The following TMTC1 variants were observed in gnomAD, a reference collection of about 807,000 sequenced individuals.
TMTC1 encodes transmembrane O-mannosyltransferase targeting cadherins 1.
A neutral mutation model predicts 104.8 loss-of-function variants in TMTC1; 73 were observed. The ratio of observed to expected loss-of-function variants is 0.70; its 90% CI spans 0.58 to 0.85. The LOEUF is 0.85. Ranked by LOEUF, TMTC1 falls within the 40% of genes least tolerant of loss-of-function variation. The pLI, the probability that TMTC1 is intolerant of heterozygous loss-of-function variation, is 0.00. For missense variants in TMTC1, 1,035 were observed against 1,096.1 expected (o/e 0.94, Z 0.79); for synonymous variants, 434 against 428.7 (o/e 1.01, Z -0.15).
intron 5 of TMTC1, among the ~76,000 whole-genome samples, chr12:29,678,430 A>C (rs1225270035): frequency 6.6e-6 from 1 of 152,154 alleles, no homozygotes; most frequent in African/African-American, 2.4e-5. Context: ...AAATCTTCCC[A>C]TAACATTTAA....
chr12:29,588,169 C>A (rs908771234), intron 7 of TMTC1, among the ~76,000 whole-genome samples: 1 of 152,172 alleles, frequency 6.6e-6, no homozygotes, highest in Non-Finnish European at 1.5e-5. Flanking sequence ...CCATGTTCTC[C>A]AAACCCCCAC....
At chr12:29,517,132 T>C (rs1415794895) in intron 14 of TMTC1, among the ~76,000 whole-genome samples, 1 of 152,132 alleles carries the variant, frequency 6.6e-6, no homozygotes, top group African/African-American at 2.4e-5. Flanking sequence ...GCATACACAA[T>C]GGAGTGATAA....
intron 4 of TMTC1, among the ~76,000 whole-genome samples, chr12:29,754,111 G>A (rs1003396669): frequency 6.0e-5 from 9 of 151,058 alleles, no homozygotes; most frequent in Non-Finnish European, 7.4e-5. Context: ...ATGATCTGCC[G>A]GCCTTGGCCT....
chr12:29,586,264 G>T (rs1946131005), intron 7 of TMTC1, among the ~76,000 whole-genome samples: 1 of 152,094 alleles, frequency 6.6e-6, no homozygotes, highest in Non-Finnish European at 1.5e-5. Context: ...AAGAATGCTT[G>T]TGATTTTTGT....
At chr12:29,733,802 A>G (rs574477578) in intron 5 of TMTC1, among the ~76,000 whole-genome samples, 35 of 151,996 alleles carry the variant, frequency 2.3e-4, no homozygotes, top group Non-Finnish European at 4.1e-4. Flanking sequence ...ATTTTTCTGA[A>G]CTCAACACAT....
At chr12:29,747,448 T>A (rs1942981975) in intron 5 of TMTC1, among the ~76,000 whole-genome samples, 1 of 152,184 alleles carries the variant, frequency 6.6e-6, no homozygotes, top group East Asian at 1.9e-4. Context: ...ATAAATGACC[T>A]GCAGTAGGAT....
In TMTC1 at chr12:29,519,438, A is replaced by C. The variant is rs561975288; in HGVS notation, c.1889-831T>G. On this transcript the variant is annotated intron_variant, in intron 12 of 17. Transcript: ENST00000539277. ...AGCAGAATGAAGGCCCTCTACTCTGATAGGTTTCTTCAAAGTAGCTTCCTG... is the reference window on the plus strand; with the variant it reads ...AGCAGAATGAAGGCCCTCTACTCTGCTAGGTTTCTTCAAAGTAGCTTCCTG... 4 of 152,358 alleles carry C rather than the reference A, an allele frequency of 2.6e-5. No individual in the cohort carries two copies. In the East Asian group the frequency reaches 7.7e-4, roughly 29 times the overall value. 9.4% of individuals were successfully genotyped at this position (152,358 alleles called of 1,614,324 possible).
intron 10 of TMTC1, among the ~76,000 whole-genome samples, chr12:29,544,216 TGG>T (rs1944879549): frequency 6.8e-6 from 1 of 147,556 alleles, no homozygotes; most frequent in African/African-American, 2.5e-5. Flanking sequence ...CACTCCAGCC[TGG>T]GCAACAGAAG....
At chr12:29,629,719 A>G (rs1938198457) in intron 6 of TMTC1, among the ~76,000 whole-genome samples, 1 of 152,188 alleles carries the variant, frequency 6.6e-6, no homozygotes, top group African/African-American at 2.4e-5. Flanking sequence ...TTTATGGGGT[A>G]ATGAAAAAGC....
intron 5 of TMTC1, among the ~76,000 whole-genome samples, chr12:29,669,973 T>G (rs1308481008): frequency 6.6e-6 from 1 of 152,188 alleles, no homozygotes; most frequent in African/African-American, 2.4e-5. Context: ...CAATGCCTTT[T>G]TGCTGCATCA....
At chr12:29,566,198 TAAGGGGGGAAGGGTTCTAGGAGGA>T (rs1373162338) in intron 9 of TMTC1, among the ~76,000 whole-genome samples, 1 of 151,256 alleles carries the variant, frequency 6.6e-6, no homozygotes, top group Non-Finnish European at 1.5e-5. Context: ...GCCATTGAGG[TAAGGGGGGAAGGGTTCTAGGAGGA>T]AAGAACAGAA....
At chr12:29,694,497 T>C (rs1402051180) in intron 5 of TMTC1, among the ~76,000 whole-genome samples, 1 of 152,226 alleles carries the variant, frequency 6.6e-6, no homozygotes, top group Non-Finnish European at 1.5e-5. Flanking sequence ...ATAGTTGTTA[T>C]ACTGTATTGC....
chr12:29,576,268 G>A (rs766639500), intron 8 of TMTC1, among the ~76,000 whole-genome samples: 2 of 152,086 alleles, frequency 1.3e-5, no homozygotes, highest in Non-Finnish European at 2.9e-5. Flanking sequence ...AGTCCCATTT[G>A]TGTATTTGTG....
intron 5 of TMTC1, among the ~76,000 whole-genome samples, chr12:29,699,825 T>C (rs1941533979): frequency 6.6e-6 from 1 of 151,736 alleles, no homozygotes; most frequent in Admixed American, 6.6e-5. Context: ...TTTTATTTTG[T>C]AGAGATGGGT....
At position 29,577,336 on chromosome 12, in the gene TMTC1, T is replaced by A. The variant is rs112674487; in HGVS notation, c.1419-5118A>T. Among the ~76,000 whole-genome samples, 1,371 of 151,440 alleles carry A rather than the reference T, an allele frequency of 9.1e-3. 18 individuals carry two copies. The highest frequency in any genetic ancestry group is 0.032 in the African/African-American group (1,302 of 41,258). On this transcript the variant is annotated intron_variant, in intron 8 of 17. Coordinates refer to ENST00000539277, the MANE Select transcript of TMTC1 (RefSeq NM_001193451.2). ...GAACTGGCTTCCTTGGGGGCTGAGA[T>A]GAGATGAGATCTACATTTGCCCTGT...
intron 11 of TMTC1, chr12:29,533,847 T>C (rs546780328): frequency 6.6e-6 from 1 of 152,310 alleles, no homozygotes; most frequent in East Asian, 1.9e-4. Context: ...GTCAGGCTGA[T>C]GTAAATACAG....
intron 5 of TMTC1, among the ~76,000 whole-genome samples, chr12:29,724,254 G>A (rs1289110470): frequency 6.6e-6 from 1 of 152,176 alleles, no homozygotes; most frequent in Admixed American, 6.5e-5. Flanking sequence ...ATATATCAGC[G>A]TTGGCAGGAG....
intron 5 of TMTC1, among the ~76,000 whole-genome samples, chr12:29,723,094 A>G (rs1429297346): frequency 3.9e-5 from 6 of 152,036 alleles, no homozygotes; most frequent in Non-Finnish European, 7.4e-5. Context: ...TTCAAAAAAT[A>G]AGGAGTCTAA....
intron 5 of TMTC1, among the ~76,000 whole-genome samples, chr12:29,648,728 A>G (rs1228164277): frequency 6.6e-6 from 1 of 152,276 alleles, no homozygotes; most frequent in Non-Finnish European, 1.5e-5. Flanking sequence ...ATTTTCTATT[A>G]GCTACATTAA....
Sources: gnomAD v4.1 joint callset for allele counts (sites outside exome capture counted in the v4.1 genomes callset) on GRCh38, gnomAD v4.1.1 for gene constraint, MANE v1.5 for transcripts, NCBI Gene and HGNC (gene_info 2026-07-23, HGNC 2026-07-21) for gene names.